MAGI2: variants seen among roughly 807,000 people sequenced by gnomAD.
MAGI2 encodes the protein membrane-associated guanylate kinase, WW and PDZ domain-containing protein 2.
MAGI2 carries 35 observed loss-of-function variants against 133.3 expected under a neutral mutation model. The observed-to-expected ratio is 0.26, with a 90% CI of 0.20 to 0.35. MAGI2 has a LOEUF of 0.35. MAGI2 is among the 10% of genes least tolerant of loss of function. The probability of loss-of-function intolerance (pLI) is 1.00; values close to 1 mark genes in which losing one functional copy is unlikely to be tolerated. For synonymous variants in MAGI2, 729 were observed against 710.6 expected (o/e 1.03, Z -0.41); for missense variants, 1,636 against 1,863.4 (o/e 0.88, Z 2.25).
intron 6 of MAGI2, among the ~76,000 whole-genome samples, chr7:78,387,973 T>C (rs572480852): frequency 1.4e-5 from 2 of 141,126 alleles, no homozygotes; most frequent in African/African-American, 5.3e-5. Context: ...AATAAATAAA[T>C]AAAATAATAA....
chr7:78,611,208 G>A (rs1266927516), intron 3 of MAGI2, among the ~76,000 whole-genome samples: 1 of 152,152 alleles, frequency 6.6e-6, no homozygotes, highest in African/African-American at 2.4e-5. Flanking sequence ...CTTAGTCTGT[G>A]CTTGGCAACT....
intron 6 of MAGI2, among the ~76,000 whole-genome samples, chr7:78,433,010 A>G (rs1799946812): frequency 6.6e-6 from 1 of 152,000 alleles, no homozygotes; most frequent in African/African-American, 2.4e-5. Context: ...TTGGTGTTTT[A>G]TTTGCTTGCA....
chr7:78,093,476 G>A (rs1229275449), intron 20 of MAGI2, among the ~76,000 whole-genome samples: 1 of 151,906 alleles, frequency 6.6e-6, no homozygotes, highest in East Asian at 1.9e-4. Flanking sequence ...GTAAGTAATG[G>A]CAAAGACCAC....
intron 1 of MAGI2, among the ~76,000 whole-genome samples, chr7:79,333,828 A>G (rs1840249892): frequency 6.6e-6 from 1 of 152,174 alleles, no homozygotes; most frequent in Admixed American, 6.6e-5. Context: ...CAAACAACTC[A>G]AGTGGAAGAA....
intron 2 of MAGI2, among the ~76,000 whole-genome samples, chr7:78,947,218 A>G (rs1227536373): frequency 6.6e-6 from 1 of 152,140 alleles, no homozygotes; most frequent in Non-Finnish European, 1.5e-5. Context: ...CACTCTAAGA[A>G]CAGGTACCAT....
chr7:79,132,614 T>G (rs1403361877), intron 1 of MAGI2, among the ~76,000 whole-genome samples: 1 of 152,096 alleles, frequency 6.6e-6, no homozygotes, highest in Non-Finnish European at 1.5e-5. Flanking sequence ...TGGGTGTAAG[T>G]GTCTTTTTTG....
At chr7:78,405,596 A>G (rs1797300134) in intron 6 of MAGI2, among the ~76,000 whole-genome samples, 1 of 152,124 alleles carries the variant, frequency 6.6e-6, no homozygotes, top group Non-Finnish European at 1.5e-5. Flanking sequence ...ATTATAGAAA[A>G]TCTTACAACA....
chr7:78,028,699 A>G (rs1347134292), intron 21 of MAGI2, among the ~76,000 whole-genome samples: 2 of 152,044 alleles, frequency 1.3e-5, no homozygotes, highest in Non-Finnish European at 2.9e-5. Context: ...TACTAAAAAT[A>G]CAAAAATTAG....
intron 5 of MAGI2, among the ~76,000 whole-genome samples, chr7:78,490,342 G>A (rs1475312079): frequency 6.6e-6 from 1 of 152,056 alleles, no homozygotes; most frequent in African/African-American, 2.4e-5. Context: ...TTCTCAATAA[G>A]TGATTAATAG....
intron 15 of MAGI2, among the ~76,000 whole-genome samples, chr7:78,166,526 C>T (rs1825639153): frequency 6.6e-6 from 1 of 152,172 alleles, no homozygotes. Context: ...CTTAGCAAAA[C>T]CTCTATAAGA....
At chr7:78,686,801 A>G (rs983823138) in intron 2 of MAGI2, among the ~76,000 whole-genome samples, 1 of 152,216 alleles carries the variant, frequency 6.6e-6, no homozygotes, top group African/African-American at 2.4e-5. Flanking sequence ...TCTAGAAGGC[A>G]GAAGACACAG....
At chr7:78,828,500 A>G (rs1380489487) in intron 2 of MAGI2, among the ~76,000 whole-genome samples, 3 of 152,210 alleles carry the variant, frequency 2.0e-5, no homozygotes, top group African/African-American at 7.2e-5. Context: ...ATGCCTAACC[A>G]GTACTCCTCC....
rs538267307 is a variant in MAGI2, at chr7:78,365,125, C to G, written c.1103+4031G>C. Among the ~76,000 whole-genome samples, 105 of 152,078 alleles carry G rather than the reference C, an allele frequency of 6.9e-4. 1 individual carries two copies. Among genetic ancestry groups the G allele is most frequent in the Middle Eastern group, 6.8e-3 (2 of 294 alleles). Reference sequence around the variant, plus strand: ...GTTAAGGTCCAAACAATAAGGATTCCCTTTCTTTCACATCTTGCTCTCGGT... The same window carrying G: ...GTTAAGGTCCAAACAATAAGGATTCGCTTTCTTTCACATCTTGCTCTCGGT... On this transcript the variant is annotated intron_variant, in intron 7 of 21. Coordinates refer to ENST00000354212, the MANE Select transcript of MAGI2 (RefSeq NM_012301.4).
intron 1 of MAGI2, among the ~76,000 whole-genome samples, chr7:79,421,426 A>G (rs1410769389): frequency 6.6e-6 from 1 of 152,090 alleles, no homozygotes; most frequent in South Asian, 2.1e-4. Flanking sequence ...GTGTGACAGA[A>G]TGCCCAAACT....
intron 1 of MAGI2, among the ~76,000 whole-genome samples, chr7:79,141,864 G>A (rs1238558030): frequency 6.6e-6 from 1 of 151,836 alleles, no homozygotes; most frequent in Non-Finnish European, 1.5e-5. Flanking sequence ...CAGCTTCATA[G>A]GATACCTATG....
chr7:79,316,592 G>A (rs936305598), intron 1 of MAGI2, among the ~76,000 whole-genome samples: 4 of 152,044 alleles, frequency 2.6e-5, no homozygotes, highest in Non-Finnish European at 1.5e-5. Flanking sequence ...GTCTTGAGAA[G>A]ATTTTGATTT....
At chr7:79,254,137 G>A (rs1484089846) in intron 1 of MAGI2, among the ~76,000 whole-genome samples, 1 of 152,058 alleles carries the variant, frequency 6.6e-6, no homozygotes, top group Non-Finnish European at 1.5e-5. Context: ...GAGTGAGGCT[G>A]AGCAATTTGT....
chr7:78,179,290 C>A (rs1468728627), intron 13 of MAGI2, among the ~76,000 whole-genome samples: 2 of 152,214 alleles, frequency 1.3e-5, no homozygotes, highest in Non-Finnish European at 2.9e-5. Flanking sequence ...AGAGAATTCT[C>A]ATGGGACAAA....
At chr7:79,330,564 G>A (rs1215969042) in intron 1 of MAGI2, among the ~76,000 whole-genome samples, 1 of 151,952 alleles carries the variant, frequency 6.6e-6, no homozygotes, top group African/African-American at 2.4e-5. Context: ...TTTCTTAGTC[G>A]ATGCTGATTT....
Sources: gnomAD v4.1 joint callset for allele counts (sites outside exome capture counted in the v4.1 genomes callset) on GRCh38, gnomAD v4.1.1 for gene constraint, MANE v1.5 for transcripts, NCBI Gene and HGNC (gene_info 2026-07-23, HGNC 2026-07-21) for gene names.